The following PTPRD variants were observed in gnomAD, a reference collection of about 807,000 sequenced individuals.
PTPRD encodes receptor-type tyrosine-protein phosphatase delta.
PTPRD carries 34 observed loss-of-function variants against 214.5 expected under a neutral mutation model. The observed-to-expected ratio is 0.16, with a 90% confidence interval of 0.12 to 0.21. The LOEUF is 0.21. Among genes scored for constraint, PTPRD ranks in the 10% least tolerant of loss-of-function variants. The probability of loss-of-function intolerance (pLI) is 1.00; values close to 1 mark genes in which losing one functional copy is unlikely to be tolerated. For synonymous variants in PTPRD, 1,128 were observed against 845.7 expected (o/e 1.33, Z -5.79); for missense variants, 2,545 against 2,398.7 (o/e 1.06, Z -1.27).
At chr9:9,429,819 G>T (rs927049153) in intron 8 of PTPRD, among the ~76,000 whole-genome samples, 2 of 152,002 alleles carry the variant, frequency 1.3e-5, no homozygotes, top group African/African-American at 2.4e-5. Flanking sequence ...AGTCTCAATA[G>T]ATGCAGAAAA....
chr9:8,734,667 G>A (rs1243915732), intron 11 of PTPRD, among the ~76,000 whole-genome samples: 1 of 152,238 alleles, frequency 6.6e-6, no homozygotes. Flanking sequence ...CCTACTGTGT[G>A]CAAGGCATCA....
At chr9:9,661,798 A>G (rs2096627178) in intron 7 of PTPRD, among the ~76,000 whole-genome samples, 1 of 151,718 alleles carries the variant, frequency 6.6e-6, no homozygotes, top group Non-Finnish European at 1.5e-5. Flanking sequence ...AGATAACTTG[A>G]AGAGGAGGAG....
intron 4 of PTPRD, among the ~76,000 whole-genome samples, chr9:9,955,254 C>T (rs1376312638): frequency 6.6e-6 from 1 of 151,634 alleles, no homozygotes; most frequent in African/African-American, 2.4e-5. Context: ...AATGAGTGAA[C>T]GAGTACTAAA....
intron 12 of PTPRD, among the ~76,000 whole-genome samples, chr9:8,710,340 T>C (rs373819888): frequency 2.0e-5 from 3 of 152,180 alleles, no homozygotes; most frequent in African/African-American, 7.2e-5. Context: ...AATAAGGCCA[T>C]GCAGGGTGGC....
chr9:8,544,703 T>G (rs920874087), intron 14 of PTPRD, among the ~76,000 whole-genome samples: 1 of 146,874 alleles, frequency 6.8e-6, no homozygotes, highest in East Asian at 2.1e-4. Context: ...CTCCCGAACC[T>G]TCAGTGACCC....
chr9:9,970,135 C>G (rs972394886), intron 4 of PTPRD, among the ~76,000 whole-genome samples: 4 of 151,970 alleles, frequency 2.6e-5, no homozygotes, highest in Non-Finnish European at 5.9e-5. Flanking sequence ...AATGAGGAAC[C>G]AGCAAACCAG....
intron 3 of PTPRD, among the ~76,000 whole-genome samples, chr9:10,332,010 C>T (rs768948665): frequency 7.2e-5 from 11 of 151,772 alleles, no homozygotes; most frequent in Non-Finnish European, 1.3e-4. Context: ...ACACTAGCAG[C>T]AATAAGACAT....
At chr9:10,554,861 T>C (rs993091197) in intron 2 of PTPRD, among the ~76,000 whole-genome samples, 10 of 152,102 alleles carry the variant, frequency 6.6e-5, no homozygotes, top group African/African-American at 2.2e-4. Flanking sequence ...GGGGTTTCAC[T>C]GTGTTAGCCA....
intron 2 of PTPRD, among the ~76,000 whole-genome samples, chr9:10,399,220 C>A (rs183376859): frequency 1.7e-4 from 26 of 151,926 alleles, no homozygotes; most frequent in Admixed American, 1.4e-3. Flanking sequence ...AGAAGGATTG[C>A]AAAGATGAGA....
chr9:10,099,962 A>G (rs1334447222), intron 3 of PTPRD, among the ~76,000 whole-genome samples: 2 of 151,778 alleles, frequency 1.3e-5, no homozygotes, highest in Admixed American at 1.3e-4. Context: ...AGGATTTGAA[A>G]TTCATCCAGC....
chr9:9,637,152 G>A (rs530922010), intron 7 of PTPRD, among the ~76,000 whole-genome samples: 39 of 152,242 alleles, frequency 2.6e-4, no homozygotes, highest in African/African-American at 9.4e-4. Flanking sequence ...GGGGGACATT[G>A]AGATCATAGC....
At chr9:9,908,105 T>C (rs887860676) in intron 5 of PTPRD, among the ~76,000 whole-genome samples, 2 of 148,696 alleles carry the variant, frequency 1.3e-5, no homozygotes, top group African/African-American at 2.5e-5. Context: ...AGAATAGAAA[T>C]GAGAAAATAA....
chr9:9,058,547 T>C (rs1295438988), intron 10 of PTPRD, among the ~76,000 whole-genome samples: 1 of 135,946 alleles, frequency 7.4e-6, no homozygotes, highest in East Asian at 2.5e-4. Context: ...CCCCTGGGGT[T>C]CACGCCATTC....
chr9:10,306,999 G>A (rs1475179529), intron 3 of PTPRD, among the ~76,000 whole-genome samples: 1 of 152,050 alleles, frequency 6.6e-6, no homozygotes, highest in Non-Finnish European at 1.5e-5. Flanking sequence ...TAGATGCATA[G>A]AATATGTAAT....
chr9:8,530,385 G>A (rs1427852829), intron 14 of PTPRD, among the ~76,000 whole-genome samples: 1 of 151,928 alleles, frequency 6.6e-6, no homozygotes, highest in Non-Finnish European at 1.5e-5. Flanking sequence ...TGTTTGCTGG[G>A]TACTCCGTGC....
At chr9:10,095,076 A>T (rs907188296) in intron 3 of PTPRD, among the ~76,000 whole-genome samples, 1 of 151,348 alleles carries the variant, frequency 6.6e-6, no homozygotes, top group Admixed American at 6.6e-5. Flanking sequence ...ACTATGCACA[A>T]TTTTCAAAGA....
chr9:10,478,210 T>C (rs1356589244), intron 2 of PTPRD, among the ~76,000 whole-genome samples: 1 of 152,126 alleles, frequency 6.6e-6, no homozygotes, highest in Non-Finnish European at 1.5e-5. Flanking sequence ...TAGAAAAGTA[T>C]AGTCATTATT....
intron 6 of PTPRD, among the ~76,000 whole-genome samples, chr9:9,754,283 C>A (rs774958977): frequency 6.6e-6 from 1 of 152,042 alleles, no homozygotes; most frequent in Non-Finnish European, 1.5e-5. Flanking sequence ...CAAATTCTTA[C>A]ACGCCCCGTA....
chr9:10,538,566 G>A (rs2058400961), intron 2 of PTPRD, among the ~76,000 whole-genome samples: 2 of 152,000 alleles, frequency 1.3e-5, no homozygotes, highest in South Asian at 4.1e-4. Context: ...TTTCCTACAT[G>A]ATTGGTTTTC....
Sources: gnomAD v4.1 joint callset for allele counts (sites outside exome capture counted in the v4.1 genomes callset) on GRCh38, gnomAD v4.1.1 for gene constraint, MANE v1.5 for transcripts, NCBI Gene and HGNC (gene_info 2026-07-23, HGNC 2026-07-21) for gene names.